Variants in WDFY3 observed in about 807,000 individuals in gnomAD.
WDFY3 encodes WD repeat and FYVE domain containing 3, also known as WD repeat and FYVE domain-containing protein 3.
A neutral mutation model predicts 409.6 loss-of-function variants in WDFY3; 66 were observed. That is an observed-to-expected ratio of 0.16 (90% CI 0.13 to 0.20). The LOEUF (loss-of-function observed/expected upper bound fraction) is 0.20, where lower values mean the gene tolerates loss of function less well. WDFY3 is among the 10% of genes least tolerant of loss of function. The pLI is 1.00. For missense variants in WDFY3, 3,031 were observed against 4,298.1 expected (o/e 0.71, Z 8.24); for synonymous variants, 1,521 against 1,537.1 (o/e 0.99, Z 0.25).
In WDFY3 at chr4:84,821,088, T is replaced by C. The variant is rs756159287; in HGVS notation, c.1587A>G (p.Glu529=). The change falls in exon 11 of 68, where the codon GAA becomes GAG. Residue 529 remains glutamate, a synonymous_variant. Coordinates refer to ENST00000295888, the MANE Select transcript of WDFY3 (RefSeq NM_014991.6). ...LLKDPTQALN[E]QGDSRNNSSV... is the part of the protein sequence containing the mutation. ...AAATTACAGACAATACTTTACCTTG[T>C]TCATTTAGTGCCTGAGTTGGATCCT... The C allele has an allele frequency of 6.2e-7, 1 of 1,603,234 alleles. No individual in the cohort carries two copies. The highest frequency in any genetic ancestry group is 2.2e-5 in the East Asian group (1 of 44,756).
chr4:84,796,962 A>G (rs1749557280), intron 18 of WDFY3, among the ~76,000 whole-genome samples: 1 of 152,186 alleles, frequency 6.6e-6, no homozygotes, highest in Admixed American at 6.5e-5. Context: ...CACACTGCAG[A>G]AATGTTGGAA....
At chr4:84,690,225 G>A (rs1421682737) in intron 61 of WDFY3, among the ~76,000 whole-genome samples, 1 of 152,116 alleles carries the variant, frequency 6.6e-6, no homozygotes, top group Non-Finnish European at 1.5e-5. Context: ...ATTCAATTTA[G>A]ACTTTTGCAT....
chr4:84,788,939 A>T (rs1747996762), intron 22 of WDFY3, among the ~76,000 whole-genome samples: 1 of 152,078 alleles, frequency 6.6e-6, no homozygotes, highest in Non-Finnish European at 1.5e-5. Flanking sequence ...AGAATTGCTC[A>T]TACCCAGGAG....
At chr4:84,725,842 A>T (rs970028822) in intron 45 of WDFY3, among the ~76,000 whole-genome samples, 4 of 152,162 alleles carry the variant, frequency 2.6e-5, no homozygotes, top group Non-Finnish European at 5.9e-5. Context: ...TACTGAACCA[A>T]ATTTTAGATA....
chr4:84,755,643 C>T (rs1166988577), intron 33 of WDFY3, among the ~76,000 whole-genome samples: 1 of 152,094 alleles, frequency 6.6e-6, no homozygotes. Context: ...ATGTTAAAAA[C>T]ATTGCTTTCT....
chr4:84,868,935 CAT>C (rs962489825), intron 3 of WDFY3, among the ~76,000 whole-genome samples: 4 of 152,166 alleles, frequency 2.6e-5, no homozygotes, highest in African/African-American at 9.7e-5. Context: ...AGTTTTTATA[CAT>C]ATGTTAAAAT....
chr4:84,937,735 A>C (rs1474103526), intron 1 of WDFY3, among the ~76,000 whole-genome samples: 1 of 152,088 alleles, frequency 6.6e-6, no homozygotes, highest in East Asian at 1.9e-4. Flanking sequence ...AGAACCTATA[A>C]AATTTGGCCC....
Position 84,741,798 on chromosome 4 carries a change from T to G in WDFY3, c.6197A>C (p.Lys2066Thr). Reference sequence around the variant, plus strand: ...TTGAATTATAAAATCTATAAGAAGTTTAGATTCTTTGTTGAACATGCCTTG... The same window carrying G: ...TTGAATTATAAAATCTATAAGAAGTGTAGATTCTTTGTTGAACATGCCTTG... Reference protein sequence around the residue: ...LWQGMFNKESKLLIDFIIQLI... With the variant: ...LWQGMFNKESTLLIDFIIQLI... The change falls in exon 38 of 68, where the codon AAA becomes ACA. Residue 2066 changes from lysine to threonine, a missense_variant. Transcript: ENST00000295888. 1 of 1,612,648 alleles carries G rather than the reference T, an allele frequency of 6.2e-7. No homozygotes were observed. The highest frequency in any genetic ancestry group is 8.5e-7 in the Non-Finnish European group (1 of 1,179,006).
chr4:84,672,986 C>A lies in WDFY3; in HGVS notation c.10463G>T (p.Ser3488Ile), dbSNP rs762125694. 5.0e-6 allele frequency: 8 copies of A among 1,613,924 alleles called. No individual in the cohort carries two copies. Among genetic ancestry groups the A allele is most frequent in the Non-Finnish European group, 6.8e-6 (8 of 1,179,960 alleles). The change falls in exon 68 of 68, where the codon AGT becomes ATT. Residue 3488 changes from serine (S) to isoleucine (I), a missense_variant. By Grantham distance (142) the Ser-to-Ile change is moderately radical (BLOSUM62 -2). Transcript: ENST00000295888. ...NCGQLFCQKCSRFQSEIKRLK... is the reference protein window; with the variant it reads ...NCGQLFCQKCIRFQSEIKRLK... Reference sequence around the variant, plus strand: ...GCGTTTGATTTCAGATTGAAAGCGACTGCACCTAAAGGAAAGGAAAAGTCA... The same window carrying A: ...GCGTTTGATTTCAGATTGAAAGCGAATGCACCTAAAGGAAAGGAAAAGTCA...
At chr4:84,701,079 C>T (rs1310733628) in intron 56 of WDFY3, among the ~76,000 whole-genome samples, 2 of 152,216 alleles carry the variant, frequency 1.3e-5, no homozygotes. Flanking sequence ...CACTGCACTC[C>T]AGCTTGGGCG....
chr4:84,687,238 G>T (rs1394812098), intron 62 of WDFY3, among the ~76,000 whole-genome samples: 1 of 152,066 alleles, frequency 6.6e-6, no homozygotes, highest in Non-Finnish European at 1.5e-5. Flanking sequence ...CCACCTCCCG[G>T]GTTCAAGCGG....
intron 6 of WDFY3, among the ~76,000 whole-genome samples, chr4:84,839,581 G>C (rs1443205290): frequency 1.3e-5 from 2 of 151,996 alleles, no homozygotes; most frequent in Non-Finnish European, 2.9e-5. Context: ...AAGAGGGCCA[G>C]GCACAGTGGC....
chr4:84,868,176 A>C (rs1761686976), intron 3 of WDFY3, among the ~76,000 whole-genome samples: 2 of 136,762 alleles, frequency 1.5e-5, no homozygotes, highest in Admixed American at 7.1e-5. Context: ...TGTCTCAAAA[A>C]AAAAAAAAAA....
intron 1 of WDFY3, among the ~76,000 whole-genome samples, chr4:84,963,099 A>T (rs1293984677): frequency 1.3e-5 from 2 of 151,876 alleles, no homozygotes; most frequent in African/African-American, 4.8e-5. Context: ...ATATAGATTT[A>T]AAATGTAAAA....
intron 35 of WDFY3, among the ~76,000 whole-genome samples, chr4:84,752,869 TAC>T (rs1261780815): frequency 6.6e-6 from 1 of 152,224 alleles, no homozygotes; most frequent in Non-Finnish European, 1.5e-5. Flanking sequence ...GTTTTATGTT[TAC>T]AGTTTATTAG....
chr4:84,795,476 C>T (rs755357041), intron 19 of WDFY3, among the ~76,000 whole-genome samples: 6 of 152,154 alleles, frequency 3.9e-5, no homozygotes, highest in Non-Finnish European at 8.8e-5. Context: ...AATTAACACT[C>T]TAAGCCTGGG....
intron 12 of WDFY3, 103 bp from the exon 13 acceptor site, chr4:84,817,688 T>A (rs1417252715): frequency 1.1e-5 from 12 of 1,065,698 alleles, no homozygotes; most frequent in African/African-American, 6.5e-5. Context: ...AAGTAACTCA[T>A]AATAATGTAA....
At chr4:84,824,560 A>G (rs2149851359) in intron 10 of WDFY3, among the ~76,000 whole-genome samples, 1 of 152,282 alleles carries the variant, frequency 6.6e-6, no homozygotes, top group Non-Finnish European at 1.5e-5. Flanking sequence ...GGCAAAACTA[A>G]AACAGACTAG....
At chr4:84,782,629 T>C (rs1027391898) in intron 25 of WDFY3, among the ~76,000 whole-genome samples, 2 of 152,208 alleles carry the variant, frequency 1.3e-5, no homozygotes, top group Admixed American at 6.5e-5. Context: ...TGAGTGAGAC[T>C]ATGCAACATT....
Sources: allele counts gnomAD v4.1 joint callset (sites outside exome capture counted in the v4.1 genomes callset), GRCh38; gene constraint gnomAD v4.1.1; transcripts MANE v1.5; gene names NCBI Gene and HGNC (gene_info 2026-07-23, HGNC 2026-07-21).